ATXN1: variants seen among roughly 807,000 people sequenced by gnomAD.
The protein encoded by ATXN1 is ataxin 1.
Under a neutral mutation model 56.4 loss-of-function variants are expected in ATXN1, and 8 were observed. The observed-to-expected ratio is 0.14, with a 90% CI of 0.08 to 0.26. The LOEUF (loss-of-function observed/expected upper bound fraction) is 0.26, where lower values mean the gene tolerates loss of function less well. Among genes scored for constraint, ATXN1 ranks in the 10% least tolerant of loss-of-function variants. ATXN1 has a pLI of 1.00. For synonymous variants in ATXN1, 514 were observed against 494.6 expected (o/e 1.04, Z -0.52); for missense variants, 987 against 1,106.5 (o/e 0.89, Z 1.53).
chr6:16,574,420 G>C (rs1359442082), intron 4 of ATXN1, among the ~76,000 whole-genome samples: 1 of 152,108 alleles, frequency 6.6e-6, no homozygotes, highest in African/African-American at 2.4e-5. Flanking sequence ...TGTTGCTCAG[G>C]GTGGTCTCGA....
At chr6:16,748,830 T>C (rs1760621660) in intron 2 of ATXN1, among the ~76,000 whole-genome samples, 1 of 151,814 alleles carries the variant, frequency 6.6e-6, no homozygotes, top group South Asian at 2.1e-4. Flanking sequence ...AGAGAGCCCA[T>C]CCTAACTAAC....
chr6:16,603,806 A>C (rs1194150201), intron 3 of ATXN1, among the ~76,000 whole-genome samples: 1 of 152,104 alleles, frequency 6.6e-6, no homozygotes, highest in Non-Finnish European at 1.5e-5. Context: ...TGTGGGGTAC[A>C]GGGGAAGAGG....
intron 6 of ATXN1, among the ~76,000 whole-genome samples, chr6:16,418,344 G>A (rs1394928616): frequency 2.0e-5 from 3 of 152,066 alleles, no homozygotes; most frequent in Admixed American, 6.6e-5. Context: ...AAATGGAATC[G>A]GTTTTTGGCC....
chr6:16,440,622 C>G (rs1759494642), intron 6 of ATXN1, among the ~76,000 whole-genome samples: 1 of 68,106 alleles, frequency 1.5e-5, no homozygotes, highest in African/African-American at 9.6e-5. Context: ...ACCTGGGAAA[C>G]AGAGTGAGAC....
At position 16,304,292 on chromosome 6, in the gene ATXN1, T is replaced by C. The variant is rs1261472341; in HGVS notation, c.*2037A>G. ...AGAATATTTAAAAATTTCTCCCTAC[T>C]TATAAAACTTTTTTTTAAAGCACTT... On this transcript the variant is annotated 3_prime_UTR_variant, in exon 8 of 8. Transcript: ENST00000436367. 2 of 152,586 alleles carry C rather than the reference T, an allele frequency of 1.3e-5. No individual in the cohort carries two copies. Among genetic ancestry groups the C allele is most frequent in the Non-Finnish European group, 2.9e-5 (2 of 68,028 alleles). The allele number at this position is 152,586 out of a possible 1,614,324, so 9.5% of individuals were successfully genotyped here.
chr6:16,377,039 A>T (rs1357124465), intron 6 of ATXN1, among the ~76,000 whole-genome samples: 1 of 152,216 alleles, frequency 6.6e-6, no homozygotes, highest in Non-Finnish European at 1.5e-5. Context: ...AGTATCCCTC[A>T]TATATGGGAT....
At chr6:16,503,292 ACCT>A (rs1049907027) in intron 5 of ATXN1, among the ~76,000 whole-genome samples, 1 of 152,066 alleles carries the variant, frequency 6.6e-6, no homozygotes, top group African/African-American at 2.4e-5. Flanking sequence ...ATGTGGTCTG[ACCT>A]CCACCGAGCT....
chr6:16,743,063 C>T lies in ATXN1; in HGVS notation c.-615+10170G>A, dbSNP rs115045821. ...TGAACCTCAAATTCATTTATTCATT[C>T]GATGCAATAGCTGCATTTCTAAAAA... On this transcript the variant is annotated intron_variant, in intron 2 of 7. Coordinates refer to ENST00000436367, the MANE Select transcript of ATXN1 (RefSeq NM_001128164.2). Among the ~76,000 whole-genome samples, 72 of 152,208 alleles carry T rather than the reference C, an allele frequency of 4.7e-4. 1 individual carries two copies. Among genetic ancestry groups the T allele is most frequent in the African/African-American group, 1.6e-3 (68 of 41,520 alleles).
At chr6:16,726,212 C>T (rs1466363199) in intron 2 of ATXN1, among the ~76,000 whole-genome samples, 1 of 151,988 alleles carries the variant, frequency 6.6e-6, no homozygotes, top group Non-Finnish European at 1.5e-5. Context: ...AAAACCCCAT[C>T]TCTACTAAAA....
At chr6:16,715,092 C>T (rs1194471721) in intron 2 of ATXN1, among the ~76,000 whole-genome samples, 1 of 152,094 alleles carries the variant, frequency 6.6e-6, no homozygotes, top group Non-Finnish European at 1.5e-5. Context: ...ACTTGGATAA[C>T]AGGAAGGTCG....
chr6:16,299,635 G>C lies in ATXN1; in HGVS notation c.*6694C>G, dbSNP rs1760033182. The C allele has an allele frequency of 6.6e-6, 1 of 152,644 alleles. No homozygotes were observed. The highest frequency in any genetic ancestry group is 2.4e-5 in the African/African-American group (1 of 41,430). 9.5% of individuals were successfully genotyped at this position (152,644 alleles called of 1,614,324 possible). On this transcript the variant is annotated 3_prime_UTR_variant, in exon 8 of 8. Coordinates refer to ENST00000436367, the MANE Select transcript of ATXN1 (RefSeq NM_001128164.2). ...TTGGCCTGTGGGAGGCATATGGTGG[G>C]TAATGATCTGATATTAAAACATCCA...
chr6:16,393,119 G>A (rs995718070), intron 6 of ATXN1, among the ~76,000 whole-genome samples: 2 of 152,106 alleles, frequency 1.3e-5, no homozygotes, highest in African/African-American at 4.8e-5. Flanking sequence ...TGACTTTTTT[G>A]CTTAATAAAT....
At chr6:16,737,975 GC>G (rs1432193043) in intron 2 of ATXN1, 1 of 152,066 alleles carries the variant, frequency 6.6e-6, no homozygotes, top group Admixed American at 6.6e-5. Flanking sequence ...GCAGAATAGG[GC>G]TAAAACCTAA....
chr6:16,428,664 C>T (rs991002239), intron 6 of ATXN1, among the ~76,000 whole-genome samples: 1 of 152,132 alleles, frequency 6.6e-6, no homozygotes, highest in African/African-American at 2.4e-5. Flanking sequence ...ACCCCAATTA[C>T]AGCACAAGCT....
intron 6 of ATXN1, among the ~76,000 whole-genome samples, chr6:16,453,404 T>A (rs1159153544): frequency 2.6e-5 from 4 of 151,996 alleles, no homozygotes; most frequent in African/African-American, 9.7e-5. Context: ...GAGGTTGAAG[T>A]GAGCCAAGAT....
intron 4 of ATXN1, among the ~76,000 whole-genome samples, chr6:16,529,846 C>T (rs56200963): frequency 0.012 from 1,845 of 152,270 alleles, 42 homozygotes; most frequent in African/African-American, 0.042. Context: ...TACTCATCTT[C>T]TCCACTAAAT....
At chr6:16,715,474 A>AAC (rs1282283232) in intron 2 of ATXN1, among the ~76,000 whole-genome samples, 1 of 152,156 alleles carries the variant, frequency 6.6e-6, no homozygotes, top group Non-Finnish European at 1.5e-5. Flanking sequence ...TTCAATCAAA[A>AAC]ATGTTGCAGA....
intron 3 of ATXN1, among the ~76,000 whole-genome samples, chr6:16,619,718 C>T (rs1763283694): frequency 6.6e-6 from 1 of 151,988 alleles, no homozygotes; most frequent in African/African-American, 2.4e-5. Context: ...ATTTCTGGGG[C>T]ATGCCCTGGA....
At chr6:16,703,837 T>C (rs1003045883) in intron 2 of ATXN1, among the ~76,000 whole-genome samples, 10 of 152,284 alleles carry the variant, frequency 6.6e-5, no homozygotes, top group African/African-American at 2.4e-4. Context: ...CTGGCCAACA[T>C]AGTGAAACCC....
Sources: allele counts gnomAD v4.1 joint callset (sites outside exome capture counted in the v4.1 genomes callset), GRCh38; gene constraint gnomAD v4.1.1; transcripts MANE v1.5; gene names NCBI Gene and HGNC (gene_info 2026-07-23, HGNC 2026-07-21).